Variants in GRHL2 observed in about 807,000 individuals in gnomAD.
The protein encoded by GRHL2 is grainyhead-like protein 2 homolog.
A neutral mutation model predicts 83.8 loss-of-function variants in GRHL2; 21 were observed. That is an observed-to-expected ratio of 0.25 (90% CI 0.18 to 0.36). The LOEUF (loss-of-function observed/expected upper bound fraction) is 0.36, where lower values mean the gene tolerates loss of function less well. Among genes scored for constraint, GRHL2 ranks in the 10% least tolerant of loss-of-function variants. The pLI, the probability that GRHL2 is intolerant of heterozygous loss-of-function variation, is 1.00. For synonymous variants in GRHL2, 280 were observed against 278.9 expected, an observed-to-expected ratio of 1.00 and a Z score of -0.04; for missense variants, 623 against 781.8, an observed-to-expected ratio of 0.80 and a Z score of 2.42.
downstream of GRHL2, among the ~76,000 whole-genome samples, chr8:101,671,033 G>C (rs977090443): frequency 6.6e-6 from 1 of 152,166 alleles, no homozygotes; most frequent in Non-Finnish European, 1.5e-5. Context: ...AAGGCACCAA[G>C]GGGGGTGGAG....
chr8:101,524,968 G>A (rs1423571500), intron 1 of GRHL2, among the ~76,000 whole-genome samples: 5 of 151,020 alleles, frequency 3.3e-5, no homozygotes, highest in African/African-American at 9.7e-5. Context: ...TTGAGATGGA[G>A]TTTTGCTCTT....
intron 12 of GRHL2, among the ~76,000 whole-genome samples, chr8:101,643,693 C>A (rs1352371723): frequency 6.6e-6 from 1 of 152,246 alleles, no homozygotes; most frequent in East Asian, 1.9e-4. Context: ...TTCCAGATTT[C>A]TCTGCTGTTC....
chr8:101,605,891 TC>T (rs1812623296), intron 8 of GRHL2, among the ~76,000 whole-genome samples: 1 of 152,194 alleles, frequency 6.6e-6, no homozygotes, highest in Non-Finnish European at 1.5e-5. Context: ...ATTCTTCATT[TC>T]CCCCATCTCT....
At chr8:101,616,523 C>T (rs1181694477) in intron 8 of GRHL2, among the ~76,000 whole-genome samples, 1 of 152,128 alleles carries the variant, frequency 6.6e-6, no homozygotes, top group Non-Finnish European at 1.5e-5. Context: ...AATCACCTGA[C>T]ATTTGCATCT....
chr8:101,521,049 A>ATACTTG (rs1810671926), intron 1 of GRHL2, among the ~76,000 whole-genome samples: 1 of 152,204 alleles, frequency 6.6e-6, no homozygotes, highest in Admixed American at 6.5e-5. Flanking sequence ...TACTCATGCA[A>ATACTTG]TACTTGTATT....
At chr8:101,635,354 G>T (rs185392228) in intron 11 of GRHL2, among the ~76,000 whole-genome samples, 94 of 152,308 alleles carry the variant, frequency 6.2e-4, no homozygotes, top group African/African-American at 1.7e-3. Flanking sequence ...GTCTTTATGG[G>T]CAAGGAGGAG....
chr8:101,531,236 A>G (rs1204445197), intron 1 of GRHL2, among the ~76,000 whole-genome samples: 1 of 151,802 alleles, frequency 6.6e-6, no homozygotes, highest in Non-Finnish European at 1.5e-5. Flanking sequence ...AAAAAAAAAA[A>G]AAAAGAGAAC....
At chr8:101,509,205 C>CTTTCTTTCTTTCTTTCT (rs369570058) in intron 1 of GRHL2, among the ~76,000 whole-genome samples, 1 of 19,022 alleles carries the variant, frequency 5.3e-5, no homozygotes, top group Non-Finnish European at 1.6e-4. Context: ...TTCTTTCTTT[C>CTTTCTTTCTTTCTTTCT]TTCTTGTGTG....
At chr8:101,619,182 G>A (rs753923843) in intron 8 of GRHL2, among the ~76,000 whole-genome samples, 1 of 152,088 alleles carries the variant, frequency 6.6e-6, no homozygotes, top group Admixed American at 6.5e-5. Context: ...GAACCTGGGA[G>A]GGGGAGGTTG....
chr8:101,672,996 C>G (rs1271228296), downstream of GRHL2, among the ~76,000 whole-genome samples: 2 of 150,688 alleles, frequency 1.3e-5, no homozygotes, highest in Non-Finnish European at 3.0e-5. Flanking sequence ...TACAGACAAG[C>G]AAATGCTGAG....
chr8:101,627,473 A>C (rs1161509777), intron 9 of GRHL2, among the ~76,000 whole-genome samples: 1 of 151,960 alleles, frequency 6.6e-6, no homozygotes, highest in African/African-American at 2.4e-5. Flanking sequence ...TGCTCCACCA[A>C]CCAGCTGTTC....
At chr8:101,617,981 T>G (rs1812889126) in intron 8 of GRHL2, among the ~76,000 whole-genome samples, 1 of 152,220 alleles carries the variant, frequency 6.6e-6, no homozygotes, top group South Asian at 2.1e-4. Flanking sequence ...GTTTTCAGAA[T>G]ACATAATTTT....
intron 14 of GRHL2, among the ~76,000 whole-genome samples, chr8:101,663,031 A>G (rs1241836500): frequency 6.6e-6 from 1 of 152,180 alleles, no homozygotes; most frequent in Non-Finnish European, 1.5e-5. Context: ...GTGAATTATC[A>G]AAATGTGTTT....
Position 101,665,940 on chromosome 8 carries a change from G to A in GRHL2, c.1764-649G>A, listed in dbSNP as rs558287887. ...CTATCAGGGATAGTTAGCCACAGGA[G>A]TAGGTCACAGGTGGTAAAGTACAAG... On this transcript the variant is annotated intron_variant, in intron 15 of 15. Transcript: ENST00000646743. 1.1e-4 allele frequency among the ~76,000 whole-genome samples: 16 copies of A among 152,344 alleles called. No homozygotes were observed. The East Asian group carries it at 2.9e-3, about 28-fold the overall frequency.
At position 101,644,190 on chromosome 8, in the gene GRHL2, C is replaced by T; in HGVS notation, c.1577C>T (p.Pro526Leu). 1 of 1,614,146 alleles carries T rather than the reference C, an allele frequency of 6.2e-7. No individual in the cohort carries two copies. Among genetic ancestry groups the T allele is most frequent in the Non-Finnish European group, 8.5e-7 (1 of 1,179,994 alleles). ...RPMEEEFGPV[P>L]SKQMKEEGTK... ...ATGGAAGAGGAGTTTGGTCCAGTGC[C>T]TTCAAAGCAGATGAAAGAAGAAGGG... The change falls in exon 13 of 16, where the codon CCT becomes CTT. Residue 526 changes from proline to leucine, a missense_variant. By Grantham distance (98) the Pro-to-Leu change is moderately conservative. This residue lies in a region of GRHL2 where 210 missense variants were observed against 254.8 expected (regional missense o/e 0.82). Coordinates refer to ENST00000646743, the MANE Select transcript of GRHL2 (RefSeq NM_024915.4).
At chr8:101,564,233 G>A (rs1262517464) in intron 4 of GRHL2, among the ~76,000 whole-genome samples, 1 of 152,128 alleles carries the variant, frequency 6.6e-6, no homozygotes, top group African/African-American at 2.4e-5. Flanking sequence ...ATCCTACTAT[G>A]ATCTTTAGCT....
chr8:101,640,801 C>G (rs1157895279), intron 12 of GRHL2, among the ~76,000 whole-genome samples: 1 of 152,162 alleles, frequency 6.6e-6, no homozygotes, highest in Non-Finnish European at 1.5e-5. Flanking sequence ...AGTGGTTTCT[C>G]TTCAAGATCT....
chr8:101,519,373 C>T lies in GRHL2; in HGVS notation c.21-23868C>T, dbSNP rs555175840. The stretch of plus-strand genomic sequence containing the variant: ...TATGTTTACATAGCTATTCCCAAAT[C>T]CAAGGTCAGATTAAATATTCATCAC... On this transcript the variant is annotated intron_variant, in intron 1 of 15. Transcript: ENST00000646743. Among the ~76,000 whole-genome samples, 15 of 149,700 alleles carry T rather than the reference C, an allele frequency of 1.0e-4. No individual in the cohort carries two copies. In the South Asian group the frequency reaches 3.2e-3, roughly 32 times the overall value.
chr8:101,637,450 A>G (rs1392107102), intron 12 of GRHL2, among the ~76,000 whole-genome samples: 1 of 152,180 alleles, frequency 6.6e-6, no homozygotes, highest in African/African-American at 2.4e-5. Context: ...GAGCCTTTTC[A>G]ATCGTAGGTA....
Sources: allele counts gnomAD v4.1 joint callset (sites outside exome capture counted in the v4.1 genomes callset), GRCh38; gene constraint gnomAD v4.1.1; regional missense constraint gnomAD v4.1.1; transcripts MANE v1.5; gene names NCBI Gene and HGNC (gene_info 2026-07-23, HGNC 2026-07-21).